Variants in TEC observed in about 807,000 individuals in gnomAD.
The protein encoded by TEC is tec protein tyrosine kinase, also known as tyrosine-protein kinase Tec.
Under a neutral mutation model 93.0 loss-of-function variants are expected in TEC, and 72 were observed. The observed-to-expected ratio is 0.77, with a 90% CI of 0.64 to 0.94. The LOEUF (loss-of-function observed/expected upper bound fraction) is 0.94, where lower values mean the gene tolerates loss of function less well. Among genes scored for constraint, TEC ranks in the 40% least tolerant of loss-of-function variants. TEC has a pLI of 0.00. For missense variants in TEC, 630 were observed against 757.9 expected (o/e 0.83, Z 1.98); for synonymous variants, 249 against 247.7 (o/e 1.01, Z -0.05).
chr4:48,206,415 G>C (rs1722716257), intron 2 of TEC, among the ~76,000 whole-genome samples: 1 of 152,130 alleles, frequency 6.6e-6, no homozygotes. Flanking sequence ...ACACAGATGA[G>C]CTTCATTCAG....
intron 1 of TEC, among the ~76,000 whole-genome samples, chr4:48,261,526 TTGAG>T (rs2109679326): frequency 6.6e-6 from 1 of 152,318 alleles, no homozygotes; most frequent in South Asian, 2.1e-4. Context: ...AAACATAATA[TTGAG>T]GAGTATGTGA....
rs1212114379 is a variant in TEC at position 48,238,685 on chromosome 4, T to TAA, written c.-45-10027_-45-10026insTT. Among the ~76,000 whole-genome samples the TAA allele has an allele frequency of 5.7e-3, 845 of 149,346 alleles. 10 individuals are homozygous for TAA. The highest frequency in any genetic ancestry group is 0.019 in the African/African-American group (782 of 40,934). On this transcript the variant is annotated intron_variant, in intron 1 of 17. Transcript: ENST00000381501. ...ATATATAAATTTATGTAAATTTATA[T>TAA]ATATGTATATAAATTTATATATTTA...
At position 48,167,843 on chromosome 4, in the gene TEC, T is replaced by A. The variant is rs746270033; in HGVS notation, c.606A>T (p.Arg202Ser). The change falls in exon 7 of 18, where the codon AGA becomes AGT. Residue 202 changes from arginine to serine, a missense_variant. By Grantham distance (110) the Arg-to-Ser change is moderately radical. Transcript: ENST00000381501. Reference protein sequence around the residue: ...AAEGHDLRLERGQEYLILEKN... With the variant: ...AAEGHDLRLESGQEYLILEKN... ...TTTCTAAAATGAGATACTCTTGGCC[T>A]CTCTCTAATCTGAGATCATGTCCTT... 1 of 1,613,948 alleles carries A rather than the reference T, an allele frequency of 6.2e-7. No homozygotes were observed.
chr4:48,185,363 G>C (rs1721778715), intron 2 of TEC, among the ~76,000 whole-genome samples: 1 of 152,134 alleles, frequency 6.6e-6, no homozygotes, highest in Admixed American at 6.5e-5. Context: ...AAAAAGGATG[G>C]ATTTGACATT....
chr4:48,222,749 C>T (rs778410370), intron 2 of TEC, among the ~76,000 whole-genome samples: 1 of 152,106 alleles, frequency 6.6e-6, no homozygotes, highest in Non-Finnish European at 1.5e-5. Flanking sequence ...ACATCACTGG[C>T]TGTCATGGTT....
At position 48,146,310 on chromosome 4, in the gene TEC, C is replaced by A. The variant is rs775352243; in HGVS notation, c.1081+15G>T. ...CAAGGAAAATTAGCTCATGCAACCACAAAATAAGAGTTACCATAGCTGAAT... is the reference window on the plus strand; with the variant it reads ...CAAGGAAAATTAGCTCATGCAACCAAAAAATAAGAGTTACCATAGCTGAAT... On this transcript the variant is annotated intron_variant, in intron 12 of 17. Transcript: ENST00000381501. The A allele has an allele frequency of 1.2e-6, 2 of 1,611,188 alleles. No homozygotes were observed. The highest frequency in any genetic ancestry group is 2.7e-5 in the African/African-American group (2 of 74,764).
intron 2 of TEC, among the ~76,000 whole-genome samples, chr4:48,188,672 C>A (rs1477063089): frequency 6.6e-6 from 1 of 152,160 alleles, no homozygotes; most frequent in East Asian, 1.9e-4. Context: ...TGTGTGCATT[C>A]ACATACTTAT....
intron 2 of TEC, among the ~76,000 whole-genome samples, chr4:48,227,226 C>A (rs2109636994): frequency 6.6e-6 from 1 of 152,188 alleles, no homozygotes; most frequent in Non-Finnish European, 1.5e-5. Context: ...TGAGGACCAT[C>A]ATGAAACACA....
chr4:48,245,054 G>A (rs985209372), intron 1 of TEC, among the ~76,000 whole-genome samples: 140 of 152,242 alleles, frequency 9.2e-4, no homozygotes, highest in Non-Finnish European at 5.1e-4. Flanking sequence ...CAGCACTTCC[G>A]GAGGCCGAGG....
chr4:48,232,270 C>T (rs1723668456), intron 1 of TEC, among the ~76,000 whole-genome samples: 2 of 150,326 alleles, frequency 1.3e-5, no homozygotes, highest in Non-Finnish European at 1.5e-5. Context: ...GTCTGAGTGA[C>T]AGGGCAAGAC....
rs1721112413 is a variant in TEC at position 48,171,536 on chromosome 4, C to T, written c.244-87G>A. 8.1e-6 allele frequency: 7 copies of T among 864,344 alleles called. No homozygotes were observed. In the Admixed American group the frequency reaches 2.0e-4, roughly 25 times the overall value. 53.5% of individuals were successfully genotyped at this position (864,344 alleles called of 1,614,324 possible). A position where few individuals can be genotyped will look rare whatever the true frequency, so the allele number is the denominator to read the frequency against. On this transcript the variant is annotated intron_variant, in intron 3 of 17. Transcript: ENST00000381501. ...ACAGAACCCTTGGTACTACAGACAC[C>T]AATAAATGATTCTCAAATAACTGAA... is the stretch of plus-strand genomic sequence containing the variant.
intron 10 of TEC, among the ~76,000 whole-genome samples, chr4:48,150,511 T>A (rs1032026254): frequency 6.6e-6 from 1 of 152,090 alleles, no homozygotes; most frequent in African/African-American, 2.4e-5. Context: ...CTTACTACCA[T>A]CACTCTCTGT....
intron 2 of TEC, among the ~76,000 whole-genome samples, chr4:48,190,596 G>A (rs1212238300): frequency 6.6e-6 from 1 of 152,124 alleles, no homozygotes; most frequent in Non-Finnish European, 1.5e-5. Flanking sequence ...AGTTCCCAAA[G>A]TTATTTAAAA....
chr4:48,199,517 AGTGCAGAGGCACGAT>A (rs1249376281), intron 2 of TEC, among the ~76,000 whole-genome samples: 1 of 113,462 alleles, frequency 8.8e-6, no homozygotes, highest in Non-Finnish European at 1.6e-5. Flanking sequence ...CCCAGGCTGG[AGTGCAGAGGCACGAT>A]CTCAGCTCAC....
intron 17 of TEC, among the ~76,000 whole-genome samples, 167 bp downstream of exon 17, chr4:48,138,498 T>C (rs1719521085): frequency 6.6e-6 from 1 of 152,224 alleles, no homozygotes; most frequent in Non-Finnish European, 1.5e-5. Context: ...CTTTACATTC[T>C]TCTTCCCGTT....
rs1311115111 is a variant in TEC at position 48,145,309 on chromosome 4, C to T, written c.1254-14G>A. 6.2e-7 allele frequency: 1 copy of T among 1,613,688 alleles called. No homozygotes were observed. Among genetic ancestry groups the T allele is most frequent in the Non-Finnish European group, 8.5e-7 (1 of 1,179,728 alleles). On this transcript the variant is annotated splice_polypyrimidine_tract_variant and intron_variant, in intron 13 of 17. Coordinates refer to ENST00000381501, the MANE Select transcript of TEC (RefSeq NM_003215.3). The stretch of plus-strand genomic sequence containing the variant: ...TGTGTCAGTTTCCTGGGAAGGAAGA[C>T]ATATATATAGTTACTATAGGAAAAG...
chr4:48,175,362 T>C (rs1357672406), intron 3 of TEC, among the ~76,000 whole-genome samples: 6 of 152,290 alleles, frequency 3.9e-5, no homozygotes, highest in African/African-American at 1.4e-4. Flanking sequence ...ACCACAGCCA[T>C]GGGTAAAAGG....
intron 2 of TEC, among the ~76,000 whole-genome samples, chr4:48,211,944 A>G (rs1303688772): frequency 6.6e-6 from 1 of 151,672 alleles, no homozygotes; most frequent in Non-Finnish European, 1.5e-5. Context: ...CTAAAAATAC[A>G]AAAACTTAGC....
At position 48,146,404 on chromosome 4, in the gene TEC, TAATC is replaced by T. The variant is rs751061454; in HGVS notation, c.1007-9_1007-6del. The T allele has an allele frequency of 6.2e-7, 1 of 1,613,380 alleles. No individual in the cohort carries two copies. The highest frequency in any genetic ancestry group is 2.2e-5 in the East Asian group (1 of 44,844). On this transcript the variant is annotated splice_region_variant and splice_polypyrimidine_tract_variant and intron_variant, in intron 11 of 17. Transcript: ENST00000381501. ...ACCGAAGCCTGGTGACAAGTCCTAA[TAATC>T]AAAGAAAGCGTTGCAGTCAAACTCA...
Sources: allele counts gnomAD v4.1 joint callset (sites outside exome capture counted in the v4.1 genomes callset), GRCh38; gene constraint gnomAD v4.1.1; transcripts MANE v1.5; gene names NCBI Gene and HGNC (gene_info 2026-07-23, HGNC 2026-07-21).